PDE4D: variants seen among roughly 807,000 people sequenced by gnomAD.
The protein encoded by PDE4D is phosphodiesterase 4D, also known as 3',5'-cyclic-AMP phosphodiesterase 4D.
Under a neutral mutation model 87.4 loss-of-function variants are expected in PDE4D, and 24 were observed. The ratio of observed to expected loss-of-function variants is 0.27; its 90% CI spans 0.20 to 0.39. PDE4D has a LOEUF of 0.39. Among genes scored for constraint, PDE4D ranks in the 10% least tolerant of loss-of-function variants. The pLI is 1.00. For missense variants in PDE4D, 714 were observed against 1,041.0 expected (o/e 0.69, Z 4.32); for synonymous variants, 384 against 383.2 (o/e 1.00, Z -0.02).
At chr5:59,582,003 C>T (rs906036771) in intron 1 of PDE4D, among the ~76,000 whole-genome samples, 1 of 152,136 alleles carries the variant, frequency 6.6e-6, no homozygotes, top group Non-Finnish European at 1.5e-5. Context: ...TCCATCTAAA[C>T]TTTATTGGTC....
Position 59,098,697 on chromosome 5 carries a change from C to CAAAA in PDE4D, c.809-59730_809-59727dup, listed in dbSNP as rs3061415. On this transcript the variant is annotated intron_variant, in intron 5 of 14. Coordinates refer to ENST00000340635, the MANE Select transcript of PDE4D (RefSeq NM_001104631.2). The stretch of plus-strand genomic sequence containing the variant: ...CCAGCCTGGGTGACAGAGAAAGACT[C>CAAAA]AAAAAAAAAAAAAAAAAAAAGAGGA... 3.6e-3 allele frequency among the ~76,000 whole-genome samples: 242 copies of CAAAA among 66,314 alleles called. 1 individual carries two copies. The highest frequency in any genetic ancestry group is 0.01 in the East Asian group (22 of 2,172). 43.5% of individuals were successfully genotyped at this position (66,314 alleles called of 152,430 possible).
chr5:59,618,400 G>C (rs186902903), intron 1 of PDE4D, among the ~76,000 whole-genome samples: 2 of 152,066 alleles, frequency 1.3e-5, no homozygotes, highest in Admixed American at 1.3e-4. Context: ...AATCATGAAC[G>C]CCAGAGAATT....
At chr5:60,508,036 T>C (rs1374697433) in intron 1 of PDE4D, among the ~76,000 whole-genome samples, 2 of 152,200 alleles carry the variant, frequency 1.3e-5, no homozygotes, top group African/African-American at 4.8e-5. Context: ...TGGTTTTCAG[T>C]TCTAGCTCTA....
At chr5:60,079,894 C>G (rs1773740755) in intron 2 of PDE4D, among the ~76,000 whole-genome samples, 1 of 152,032 alleles carries the variant, frequency 6.6e-6, no homozygotes, top group African/African-American at 2.4e-5. Flanking sequence ...TTAAAATAGT[C>G]TTTTCTAATT....
intron 6 of PDE4D, among the ~76,000 whole-genome samples, chr5:59,031,938 G>T (rs761502837): frequency 6.6e-6 from 1 of 152,002 alleles, no homozygotes; most frequent in Admixed American, 6.5e-5. Flanking sequence ...GGCTGTAGAG[G>T]AGGAGGGAGA....
At chr5:59,532,139 T>C (rs1442455416) in intron 1 of PDE4D, among the ~76,000 whole-genome samples, 1 of 152,128 alleles carries the variant, frequency 6.6e-6, no homozygotes, top group Non-Finnish European at 1.5e-5. Flanking sequence ...TACTAGATTT[T>C]TTTGTTTTGA....
rs951064425 is a variant in PDE4D, at chr5:60,079,191, G to A, written c.43-90474C>T. ...TGGCCATGTAAATATCTTCTTTTGA[G>A]AAGTGTCTGTTCATATCCTTTGCCT... is the stretch of plus-strand genomic sequence containing the variant. On this transcript the variant is annotated intron_variant, in intron 2 of 16. Transcript: ENST00000502484. Among the ~76,000 whole-genome samples the A allele has an allele frequency of 7.9e-5, 12 of 152,162 alleles. 1 individual carries two copies. The highest frequency in any genetic ancestry group is 7.9e-4 in the Admixed American group (12 of 15,266).
chr5:59,664,132 T>C (rs988732344), intron 1 of PDE4D, among the ~76,000 whole-genome samples: 2 of 152,184 alleles, frequency 1.3e-5, no homozygotes, highest in Non-Finnish European at 2.9e-5. Context: ...TCTTTTTTGC[T>C]CACTCAGTTC....
chr5:59,567,482 G>T (rs1216092552), intron 1 of PDE4D, among the ~76,000 whole-genome samples: 1 of 152,148 alleles, frequency 6.6e-6, no homozygotes, highest in Non-Finnish European at 1.5e-5. Context: ...AACTTAAATT[G>T]TGGAATTATC....
chr5:59,369,033 G>T (rs1175906983), intron 1 of PDE4D, among the ~76,000 whole-genome samples: 1 of 152,188 alleles, frequency 6.6e-6, no homozygotes, highest in East Asian at 1.9e-4. Context: ...AAAACGATGT[G>T]CTTTCTATGT....
intron 5 of PDE4D, among the ~76,000 whole-genome samples, chr5:59,145,298 C>T (rs976714876): frequency 6.6e-6 from 1 of 152,084 alleles, no homozygotes; most frequent in Non-Finnish European, 1.5e-5. Flanking sequence ...TAAACCCAGG[C>T]TGGCAGGCTG....
chr5:59,400,944 T>A (rs1790498073), intron 1 of PDE4D, among the ~76,000 whole-genome samples: 1 of 152,146 alleles, frequency 6.6e-6, no homozygotes, highest in Admixed American at 6.5e-5. Flanking sequence ...AGGTTGAGCA[T>A]CCCCATCCAA....
chr5:59,447,003 G>T (rs1024969380), intron 1 of PDE4D, among the ~76,000 whole-genome samples: 1 of 152,110 alleles, frequency 6.6e-6, no homozygotes, highest in Non-Finnish European at 1.5e-5. Context: ...ATCCATGCAG[G>T]TGCATTAGAG....
chr5:60,212,416 T>C (rs995330374), intron 1 of PDE4D, among the ~76,000 whole-genome samples: 2 of 152,342 alleles, frequency 1.3e-5, no homozygotes, highest in East Asian at 3.9e-4. Flanking sequence ...GCTTACAGCC[T>C]GCAAGTGATT....
At chr5:60,201,053 C>T (rs1170341611) in intron 1 of PDE4D, among the ~76,000 whole-genome samples, 1 of 147,068 alleles carries the variant, frequency 6.8e-6, no homozygotes, top group South Asian at 2.1e-4. Context: ...CAGAAAAATA[C>T]CCACTACCAC....
intron 6 of PDE4D, among the ~76,000 whole-genome samples, chr5:59,027,925 G>C (rs1756548137): frequency 6.6e-6 from 1 of 151,906 alleles, no homozygotes; most frequent in African/African-American, 2.4e-5. Context: ...GGAAATATTT[G>C]TGTGTATACT....
chr5:60,058,097 T>C (rs1770982989), intron 2 of PDE4D, among the ~76,000 whole-genome samples: 1 of 151,970 alleles, frequency 6.6e-6, no homozygotes, highest in Non-Finnish European at 1.5e-5. Context: ...GTACCCGAAA[T>C]TGAGGTTTAA....
chr5:59,886,521 T>A (rs1299670934), intron 1 of PDE4D, among the ~76,000 whole-genome samples: 4 of 151,046 alleles, frequency 2.6e-5, no homozygotes, highest in Non-Finnish European at 5.9e-5. Context: ...AAAATAAAAA[T>A]AAAAAAATAA....
intron 1 of PDE4D, among the ~76,000 whole-genome samples, chr5:59,243,035 C>T (rs1757997555): frequency 6.6e-6 from 1 of 152,152 alleles, no homozygotes; most frequent in South Asian, 2.1e-4. Context: ...TTCTTACGTA[C>T]ATCACAGTTG....
Sources: allele counts gnomAD v4.1 joint callset (sites outside exome capture counted in the v4.1 genomes callset), GRCh38; gene constraint gnomAD v4.1.1; transcripts MANE v1.5; gene names NCBI Gene and HGNC (gene_info 2026-07-23, HGNC 2026-07-21).